Variants in CHD2 observed in about 807,000 individuals in gnomAD.
The protein encoded by CHD2 is chromodomain helicase DNA binding protein 2, also known as ATP-dependent chromatin remodeler CHD2.
A neutral mutation model predicts 243.9 loss-of-function variants in CHD2; 28 were observed. The observed-to-expected ratio is 0.11, with a 90% CI of 0.09 to 0.16. The LOEUF is 0.16. Among genes scored for constraint, CHD2 ranks in the 10% least tolerant of loss-of-function variants. CHD2 has a pLI of 1.00. For synonymous variants in CHD2, 775 were observed against 779.0 expected (o/e 0.99, Z 0.09); for missense variants, 1,386 against 2,209.8 (o/e 0.63, Z 7.47).
chr15:92,978,034 G>A (rs935423108), intron 20 of CHD2, 200 bp from the exon 21 acceptor site: 5 of 594,628 alleles, frequency 8.4e-6, no homozygotes, highest in Admixed American at 2.6e-5. Flanking sequence ...CCTGTTCATG[G>A]CACTGACTTT....
chr15:93,004,613 A>G lies in CHD2; in HGVS notation c.4279-4A>G, dbSNP rs774362000. On this transcript the variant is annotated splice_region_variant and splice_polypyrimidine_tract_variant and intron_variant, in intron 33 of 38. Transcript: ENST00000394196. ...AATGACTCCTTGTAACTCTTTTTTA[A>G]AAGCCTAAAAGTGGTGATGCCAAAT... The G allele has an allele frequency of 6.2e-7, 1 of 1,606,800 alleles. No individual in the cohort carries two copies. Among genetic ancestry groups the G allele is most frequent in the Non-Finnish European group, 8.5e-7 (1 of 1,175,846 alleles).
chr15:92,982,836 G>A (rs1383654683), intron 24 of CHD2, among the ~76,000 whole-genome samples: 1 of 152,148 alleles, frequency 6.6e-6, no homozygotes, highest in African/African-American at 2.4e-5. Flanking sequence ...AGAGGATGGG[G>A]TAGAGAAGGG....
intron 6 of CHD2, among the ~76,000 whole-genome samples, chr15:92,939,192 C>G (rs1300882619): frequency 6.6e-6 from 1 of 152,092 alleles, no homozygotes; most frequent in Non-Finnish European, 1.5e-5. Flanking sequence ...GGATTAATTC[C>G]TACAAGTAAA....
rs990756080 is a variant in CHD2, at chr15:93,026,928, C to T, written c.*2223C>T. ...GGTTTCCACAGTCATCAGGGCTTCT[C>T]TCTTGAGTTGCTGATAGGAGATGTG... On this transcript the variant is annotated 3_prime_UTR_variant, in exon 39 of 39. Coordinates refer to ENST00000394196, the MANE Select transcript of CHD2 (RefSeq NM_001271.4). 9.2e-5 allele frequency: 14 copies of T among 152,768 alleles called. No homozygotes were observed. The highest frequency in any genetic ancestry group is 3.4e-4 in the African/African-American group (14 of 41,562). The allele number at this position is 152,768 out of a possible 1,614,324, so 9.5% of individuals were successfully genotyped here.
chr15:93,011,404 C>T (rs1332565057), intron 35 of CHD2, among the ~76,000 whole-genome samples: 1 of 152,284 alleles, frequency 6.6e-6, no homozygotes, highest in East Asian at 1.9e-4. Context: ...CTGAGATGAA[C>T]AGAGTTCTCA....
intron 19 of CHD2, chr15:92,974,040 AG>A (rs1370822761): frequency 6.6e-6 from 1 of 152,190 alleles, no homozygotes; most frequent in Non-Finnish European, 1.5e-5. Flanking sequence ...GTCACCTTTC[AG>A]GTTAGTTTTG....
At chr15:93,013,400 A>G (rs2054416988) in intron 36 of CHD2, among the ~76,000 whole-genome samples, 1 of 152,246 alleles carries the variant, frequency 6.6e-6, no homozygotes, top group African/African-American at 2.4e-5. Context: ...CATAATCATG[A>G]AAGACTTCAT....
chr15:92,956,309 C>G, intron 15 of CHD2, 150 bp from the exon 16 acceptor site: 1 of 589,482 alleles, frequency 1.7e-6, no homozygotes, highest in South Asian at 2.4e-5. Context: ...ACAGAATAAA[C>G]AGAAGAGGCC....
chr15:92,978,218 A>T lies in CHD2; in HGVS notation c.2578-16A>T. 3.1e-6 allele frequency: 5 copies of T among 1,614,004 alleles called. No homozygotes were observed. Among genetic ancestry groups the T allele is most frequent in the Non-Finnish European group, 4.2e-6 (5 of 1,179,920 alleles). On this transcript the variant is annotated splice_polypyrimidine_tract_variant and intron_variant, in intron 20 of 38. Coordinates refer to ENST00000394196, the MANE Select transcript of CHD2 (RefSeq NM_001271.4). ...AGAAGGCCACTGCATAAAGTAGTAT[A>T]TTGCATTGTGTACAGGACTTCTGTT...
intron 17 of CHD2, among the ~76,000 whole-genome samples, chr15:92,970,944 A>G (rs886604908): frequency 6.6e-6 from 1 of 152,268 alleles, no homozygotes; most frequent in Non-Finnish European, 1.5e-5. Context: ...ATGGGTATAC[A>G]TGAATATATC....
chr15:93,015,656 A>G (rs912694568), intron 37 of CHD2, among the ~76,000 whole-genome samples: 6 of 152,240 alleles, frequency 3.9e-5, no homozygotes, highest in East Asian at 3.8e-4. Context: ...TCAGCTCCTT[A>G]TGTAGCAGGA....
intron 10 of CHD2, 40 bp from the exon 11 acceptor site, chr15:92,945,781 T>G: frequency 7.5e-7 from 1 of 1,329,968 alleles, no homozygotes; most frequent in African/African-American, 1.5e-5. Flanking sequence ...CATTCTTCAT[T>G]GTGTTTATAA....
At chr15:92,968,863 T>C (rs1388461359) in intron 17 of CHD2, among the ~76,000 whole-genome samples, 11 of 152,206 alleles carry the variant, frequency 7.2e-5, no homozygotes, top group Non-Finnish European at 1.5e-5. Flanking sequence ...TGGGAACTCA[T>C]TCAAGTTGGT....
chr15:92,916,505 T>C (rs2052839161), intron 2 of CHD2, among the ~76,000 whole-genome samples: 1 of 152,236 alleles, frequency 6.6e-6, no homozygotes, highest in Non-Finnish European at 1.5e-5. Flanking sequence ...TATACAAGTT[T>C]GATAATTTGT....
Position 92,998,420 on chromosome 15 carries a change from T to G in CHD2, c.3886-79T>G. On this transcript the variant is annotated intron_variant, in intron 30 of 38. Coordinates refer to ENST00000394196, the MANE Select transcript of CHD2 (RefSeq NM_001271.4). The surrounding 1 kb of genome is among the most constrained non-coding windows in gnomAD (Gnocchi z 5.1). The stretch of plus-strand genomic sequence containing the variant: ...GGGGAGGGAAAGGACTGTGCTCAGT[T>G]TTTGTTGTCTCTGTTTATCCTGATC... 1 of 1,576,374 alleles carries G rather than the reference T, an allele frequency of 6.3e-7. No individual in the cohort carries two copies.
chr15:92,941,384 C>G (rs973766720), intron 7 of CHD2, among the ~76,000 whole-genome samples: 1 of 152,092 alleles, frequency 6.6e-6, no homozygotes, highest in Non-Finnish European at 1.5e-5. Flanking sequence ...TACTGGGAGA[C>G]AACATACAGG....
At chr15:92,904,730 T>C in intron 2 of CHD2, 1 of 1,398,256 alleles carries the variant, frequency 7.2e-7, no homozygotes, top group Non-Finnish European at 9.3e-7. Flanking sequence ...ATAGAAAATT[T>C]GCCCAGTTTT....
At chr15:92,950,654 G>A (rs1045246429) in intron 13 of CHD2, among the ~76,000 whole-genome samples, 2 of 151,962 alleles carry the variant, frequency 1.3e-5, no homozygotes, top group Admixed American at 1.3e-4. Context: ...CTTGGGGGCT[G>A]AGGTGGGAGG....
intron 37 of CHD2, among the ~76,000 whole-genome samples, chr15:93,019,464 G>C (rs2054504050): frequency 1.3e-5 from 2 of 152,066 alleles, no homozygotes; most frequent in Admixed American, 6.5e-5. Context: ...GAATGTTTAG[G>C]AGTCATTACT....
Sources: allele counts gnomAD v4.1 joint callset (sites outside exome capture counted in the v4.1 genomes callset), GRCh38; gene constraint gnomAD v4.1.1; non-coding constraint Gnocchi (gnomAD v3.1); transcripts MANE v1.5; gene names NCBI Gene and HGNC (gene_info 2026-07-23, HGNC 2026-07-21).